Variants in CXCL13 observed in about 807,000 individuals in gnomAD.
CXCL13 encodes the protein C-X-C motif chemokine 13.
In CXCL13, 7 loss-of-function variants were observed where a neutral mutation model predicts 12.2. The observed-to-expected ratio is 0.57, with a 90% CI of 0.33 to 1.07. The LOEUF (loss-of-function observed/expected upper bound fraction) is 1.07. CXCL13 is among the 50% of genes least tolerant of loss of function. CXCL13 has a pLI of 0.04. For synonymous variants in CXCL13, 47 were observed against 42.4 expected, an observed-to-expected ratio of 1.11 and a Z score of -0.42; for missense variants, 113 against 127.4, an observed-to-expected ratio of 0.89 and a Z score of 0.55.
intron 1 of CXCL13, among the ~76,000 whole-genome samples, chr4:77,574,729 G>C (rs355667): frequency 0.36 from 54,780 of 151,608 alleles, 10,893 homozygotes; most frequent in South Asian, 0.46. Context: ...TGGCTACTGG[G>C]TTTTCTTCTG....
rs183813616 is a variant in CXCL13 at position 77,534,438 on chromosome 4, A to C, written c.-43+22650A>C. On this transcript the variant is annotated intron_variant, in intron 1 of 4. Transcript: ENST00000286758. ...CGACCAAATTATTGATATACTCAAC[A>C]ACCTGGATAAATCTCCAGAGAATTA... Among the ~76,000 whole-genome samples the C allele has an allele frequency of 4.2e-3, 635 of 152,336 alleles. 5 individuals carry two copies. The highest frequency in any genetic ancestry group is 5.4e-3 in the Non-Finnish European group (368 of 68,034).
intron 1 of CXCL13, among the ~76,000 whole-genome samples, chr4:77,536,132 A>G (rs961777987): frequency 1.3e-5 from 2 of 152,126 alleles, no homozygotes; most frequent in Non-Finnish European, 2.9e-5. Context: ...TGTAACCCAT[A>G]TAAGTCAGCT....
Position 77,530,499 on chromosome 4 carries a change from C to T in CXCL13, c.-43+18711C>T, listed in dbSNP as rs1394258535. 2.6e-5 allele frequency among the ~76,000 whole-genome samples: 4 copies of T among 152,058 alleles called. No homozygotes were observed. The South Asian group carries it at 6.2e-4, about 24-fold the overall frequency. ...AGATTCAATTTCTTCCTGGTTTAGTCTTGTGAGGGTGTATGTGTTCAGGAA... is the reference window on the plus strand; with the variant it reads ...AGATTCAATTTCTTCCTGGTTTAGTTTTGTGAGGGTGTATGTGTTCAGGAA... On this transcript the variant is annotated intron_variant, in intron 1 of 4. Transcript: ENST00000286758.
At chr4:77,544,952 G>C (rs1028262407) in intron 1 of CXCL13, among the ~76,000 whole-genome samples, 3 of 152,150 alleles carry the variant, frequency 2.0e-5, no homozygotes, top group Admixed American at 1.3e-4. Context: ...TCCAGCTTCA[G>C]CTTTCTACAT....
At chr4:77,521,901 G>A (rs1286562613) in intron 1 of CXCL13, among the ~76,000 whole-genome samples, 1 of 152,036 alleles carries the variant, frequency 6.6e-6, no homozygotes, top group Non-Finnish European at 1.5e-5. Flanking sequence ...AGAGATTCTG[G>A]TACATTTTGT....
In CXCL13 at chr4:77,516,117, T is replaced by C. The variant is rs1031247462; in HGVS notation, c.-43+4329T>C. On this transcript the variant is annotated intron_variant, in intron 1 of 4. Transcript: ENST00000286758. ...TTATATGCTGGATTACATTTATTGA[T>C]TTGCATATATCGAACCAGACTTGCA... 8.5e-5 allele frequency among the ~76,000 whole-genome samples: 13 copies of C among 152,328 alleles called. No homozygotes were observed. In the South Asian group the frequency reaches 2.7e-3, roughly 32 times the overall value.
chr4:77,570,763 C>T (rs1000987177), intron 1 of CXCL13, among the ~76,000 whole-genome samples: 3 of 152,070 alleles, frequency 2.0e-5, no homozygotes, highest in South Asian at 2.1e-4. Flanking sequence ...TCAGAGCGGT[C>T]GGCCGGCCCT....
intron 1 of CXCL13, among the ~76,000 whole-genome samples, chr4:77,599,522 C>G (rs970409774): frequency 6.6e-6 from 1 of 152,070 alleles, no homozygotes; most frequent in Non-Finnish European, 1.5e-5. Flanking sequence ...TAAGGAAGGC[C>G]GACTGTATTC....
intron 1 of CXCL13, among the ~76,000 whole-genome samples, chr4:77,541,354 C>A (rs187333698): frequency 3.9e-5 from 6 of 152,042 alleles, no homozygotes; most frequent in African/African-American, 1.4e-4. Context: ...ATGGTGGTTC[C>A]TAGGTTTTCT....
intron 1 of CXCL13, among the ~76,000 whole-genome samples, chr4:77,564,125 A>C (rs1490165408): frequency 6.6e-6 from 1 of 152,182 alleles, no homozygotes; most frequent in African/African-American, 2.4e-5. Flanking sequence ...GTATTAATTA[A>C]AAACTCTTTG....
chr4:77,533,012 GTCTGAAGTCTTCTTC>G (rs148996943), intron 1 of CXCL13, among the ~76,000 whole-genome samples: 7,940 of 152,048 alleles, frequency 0.052, 627 homozygotes, highest in African/African-American at 0.18. Context: ...TAGTTTGATC[GTCTGAAGTCTTCTTC>G]TCTCAAATCA....
intron 1 of CXCL13, among the ~76,000 whole-genome samples, chr4:77,606,673 C>T (rs751368041): frequency 1.3e-5 from 2 of 152,164 alleles, no homozygotes; most frequent in African/African-American, 2.4e-5. Context: ...CCATGGCTCC[C>T]GGCAGAGGTA....
In CXCL13 at chr4:77,553,402, G is replaced by A. The variant is rs574211501; in HGVS notation, c.-43+41614G>A. On this transcript the variant is annotated intron_variant, in intron 1 of 4. Transcript: ENST00000286758. Reference sequence around the variant, plus strand: ...CTTTGTATGTGCCTGGGTTAAAAATGGTGTCCTGCCCTCAGTTCCAGGTCT... The same window carrying A: ...CTTTGTATGTGCCTGGGTTAAAAATAGTGTCCTGCCCTCAGTTCCAGGTCT... Among the ~76,000 whole-genome samples, 9 of 152,330 alleles carry A rather than the reference G, an allele frequency of 5.9e-5. No individual in the cohort carries two copies. In the East Asian group the frequency reaches 1.4e-3, roughly 23 times the overall value.
intron 1 of CXCL13, among the ~76,000 whole-genome samples, chr4:77,530,455 C>T (rs1254269667): frequency 6.6e-6 from 1 of 152,046 alleles, no homozygotes; most frequent in African/African-American, 2.4e-5. Flanking sequence ...AATTTCAGAG[C>T]CTGTTATTGT....
chr4:77,516,696 CT>C (rs561525713), intron 1 of CXCL13, among the ~76,000 whole-genome samples: 19 of 151,228 alleles, frequency 1.3e-4, no homozygotes, highest in Non-Finnish European at 4.4e-5. Context: ...ATTCTTCTCT[CT>C]TTTTTTTCTT....
intron 1 of CXCL13, among the ~76,000 whole-genome samples, chr4:77,591,275 G>A (rs771324980): frequency 1.3e-4 from 20 of 151,868 alleles, no homozygotes; most frequent in Non-Finnish European, 1.3e-4. Context: ...TTCTCAGCCG[G>A]GCGCAGTGGC....
upstream of CXCL13, among the ~76,000 whole-genome samples, chr4:77,603,609 A>T (rs569037618): frequency 3.9e-5 from 6 of 152,352 alleles, no homozygotes; most frequent in South Asian, 1.2e-3. Context: ...ACTGTTATCA[A>T]TTCAAAGAAA....
At chr4:77,570,156 C>G (rs1366681408) in intron 1 of CXCL13, among the ~76,000 whole-genome samples, 2 of 152,134 alleles carry the variant, frequency 1.3e-5, no homozygotes, top group Admixed American at 1.3e-4. Context: ...ATGTAAAACT[C>G]AAAGCTATAA....
intron 1 of CXCL13, among the ~76,000 whole-genome samples, chr4:77,555,605 A>C (rs1725639980): frequency 6.6e-6 from 1 of 152,108 alleles, no homozygotes; most frequent in South Asian, 2.1e-4. Flanking sequence ...TTAAACCTGG[A>C]GCAGACAAAG....
Sources: gnomAD v4.1 joint callset for allele counts (sites outside exome capture counted in the v4.1 genomes callset) on GRCh38, gnomAD v4.1.1 for gene constraint, MANE v1.5 for transcripts, NCBI Gene and HGNC (gene_info 2026-07-23, HGNC 2026-07-21) for gene names.